Variants in PDE4D observed in about 807,000 individuals in gnomAD.
PDE4D encodes 3',5'-cyclic-AMP phosphodiesterase 4D.
A neutral mutation model predicts 87.4 loss-of-function variants in PDE4D; 24 were observed. The ratio of observed to expected loss-of-function variants is 0.27; its 90% CI spans 0.20 to 0.39. PDE4D has a LOEUF of 0.39. Ranked by LOEUF, PDE4D falls within the 10% of genes least tolerant of loss-of-function variation. The pLI, the probability that PDE4D is intolerant of heterozygous loss-of-function variation, is 1.00. For missense variants in PDE4D, 714 were observed against 1,041.0 expected, an observed-to-expected ratio of 0.69 and a Z score of 4.32; for synonymous variants, 384 against 383.2, an observed-to-expected ratio of 1.00 and a Z score of -0.02.
chr5:58,988,627 T>A (rs1319517410), intron 10 of PDE4D, 35 bp from the exon 11 acceptor site: 1 of 900,704 alleles, frequency 1.1e-6, no homozygotes, highest in Non-Finnish European at 1.7e-6. Context: ...ATATTACTAT[T>A]CTACAATGAT....
At chr5:59,499,927 A>G (rs775781295) in intron 1 of PDE4D, among the ~76,000 whole-genome samples, 1 of 152,072 alleles carries the variant, frequency 6.6e-6, no homozygotes, top group Non-Finnish European at 1.5e-5. Flanking sequence ...ATTCAAAACC[A>G]GTATCTTTCT....
chr5:59,853,748 G>A (rs1330119497), intron 1 of PDE4D, among the ~76,000 whole-genome samples: 1 of 151,960 alleles, frequency 6.6e-6, no homozygotes, highest in East Asian at 1.9e-4. Context: ...TAGTGTACCA[G>A]CTTCCAATCT....
chr5:60,477,896 T>A (rs1312392565), intron 1 of PDE4D, among the ~76,000 whole-genome samples: 1 of 152,154 alleles, frequency 6.6e-6, no homozygotes, highest in South Asian at 2.1e-4. Context: ...AATGCATGAG[T>A]AAGGCTTGCT....
At chr5:59,420,275 C>T (rs1178065489) in intron 1 of PDE4D, among the ~76,000 whole-genome samples, 1 of 152,092 alleles carries the variant, frequency 6.6e-6, no homozygotes, top group African/African-American at 2.4e-5. Context: ...CCATTGTAAC[C>T]CAAATCCTAG....
intron 1 of PDE4D, among the ~76,000 whole-genome samples, chr5:59,298,776 T>G (rs1769606235): frequency 6.6e-6 from 1 of 152,046 alleles, no homozygotes; most frequent in African/African-American, 2.4e-5. Context: ...AAACAACTTG[T>G]AAAAAAAATT....
At chr5:59,073,507 C>CGGGGGGGGGGGG (rs56301552) in intron 5 of PDE4D, among the ~76,000 whole-genome samples, 1 of 38,152 alleles carries the variant, frequency 2.6e-5, no homozygotes, top group Non-Finnish European at 6.1e-5. Flanking sequence ...AAGTGGGGGG[C>CGGGGGGGGGGGG]GGGGGGGGCG....
chr5:59,275,411 A>G, intron 1 of PDE4D: 1 of 1,596,420 alleles, frequency 6.3e-7, no homozygotes, highest in Non-Finnish European at 8.5e-7. Flanking sequence ...ATTTTGAAAA[A>G]AAATAAAAAG....
At chr5:60,307,404 T>C (rs1023123751) in intron 1 of PDE4D, among the ~76,000 whole-genome samples, 4 of 152,158 alleles carry the variant, frequency 2.6e-5, no homozygotes, top group African/African-American at 9.6e-5. Flanking sequence ...TAGTGTAAGA[T>C]TTTAGTATAA....
At chr5:59,118,180 A>G (rs1183637287) in intron 5 of PDE4D, among the ~76,000 whole-genome samples, 2 of 152,006 alleles carry the variant, frequency 1.3e-5, no homozygotes, top group African/African-American at 4.8e-5. Flanking sequence ...GCCTTATTGA[A>G]CCTTGGAATT....
intron 1 of PDE4D, among the ~76,000 whole-genome samples, chr5:59,890,736 G>A (rs943781470): frequency 6.6e-6 from 1 of 152,206 alleles, no homozygotes; most frequent in Non-Finnish European, 1.5e-5. Context: ...CAGTCTATGT[G>A]ATACTGAACA....
intron 5 of PDE4D, among the ~76,000 whole-genome samples, chr5:59,165,762 A>G (rs1581152010): frequency 1.3e-5 from 2 of 152,288 alleles, no homozygotes; most frequent in South Asian, 2.1e-4. Flanking sequence ...TTCAGCTCTT[A>G]CTACCACATT....
chr5:59,435,522 C>CA (rs1796681975), intron 1 of PDE4D, among the ~76,000 whole-genome samples: 1 of 152,124 alleles, frequency 6.6e-6, no homozygotes, highest in East Asian at 1.9e-4. Context: ...TAATCTCTTC[C>CA]AAAAAACATT....
chr5:60,364,321 C>T (rs995796544), intron 1 of PDE4D, among the ~76,000 whole-genome samples: 1 of 152,050 alleles, frequency 6.6e-6, no homozygotes, highest in South Asian at 2.1e-4. Context: ...TTGTCAACTA[C>T]TTTAGAGGGT....
At chr5:60,459,947 C>G (rs1376700770) in intron 1 of PDE4D, 2 of 735,580 alleles carry the variant, frequency 2.7e-6, no homozygotes, top group Non-Finnish European at 4.9e-6. Context: ...TCTTTTTATC[C>G]TTCCTCCTCT....
intron 5 of PDE4D, among the ~76,000 whole-genome samples, chr5:59,089,172 TTTGTTG>T (rs202105850): frequency 1.3e-5 from 2 of 151,966 alleles, no homozygotes; most frequent in Non-Finnish European, 2.9e-5. Context: ...TTTATACATT[TTTGTTG>T]TTGTTGTTGT....
intron 1 of PDE4D, among the ~76,000 whole-genome samples, chr5:59,489,728 C>T (rs886685935): frequency 4.6e-5 from 7 of 152,124 alleles, no homozygotes; most frequent in African/African-American, 1.4e-4. Context: ...CTCAAAATGA[C>T]TCATTAAGGA....
chr5:60,240,712 C>T (rs75755393), intron 1 of PDE4D, among the ~76,000 whole-genome samples: 2,273 of 152,166 alleles, frequency 0.015, 20 homozygotes, highest in African/African-American at 0.032. Context: ...GAGAAAGTAA[C>T]GGAAGAGAAC....
At chr5:60,440,144 G>A (rs1326641149) in intron 1 of PDE4D, among the ~76,000 whole-genome samples, 4 of 152,026 alleles carry the variant, frequency 2.6e-5, no homozygotes, top group African/African-American at 9.7e-5. Flanking sequence ...GCAAGCTAAC[G>A]ACAAAAACGT....
intron 1 of PDE4D, among the ~76,000 whole-genome samples, chr5:60,284,444 T>C (rs376790672): frequency 1.3e-5 from 2 of 152,300 alleles, no homozygotes; most frequent in East Asian, 3.9e-4. Context: ...CACCCCAAAG[T>C]AATCAATGCC....
Sources: gnomAD v4.1 joint callset for allele counts (sites outside exome capture counted in the v4.1 genomes callset) on GRCh38, gnomAD v4.1.1 for gene constraint, MANE v1.5 for transcripts, NCBI Gene and HGNC (gene_info 2026-07-23, HGNC 2026-07-21) for gene names.